Variants in MYH10 observed in about 807,000 individuals in gnomAD.
MYH10 encodes the protein myosin-10.
Under a neutral mutation model 257.8 loss-of-function variants are expected in MYH10, and 55 were observed. The observed-to-expected ratio is 0.21, with a 90% CI of 0.17 to 0.27. MYH10 has a LOEUF of 0.27. Ranked by LOEUF, MYH10 falls within the 10% of genes least tolerant of loss-of-function variation. The pLI is 1.00. For missense variants in MYH10, 1,631 were observed against 2,500.6 expected, an observed-to-expected ratio of 0.65 and a Z score of 7.42; for synonymous variants, 854 against 921.7, an observed-to-expected ratio of 0.93 and a Z score of 1.33.
intron 26 of MYH10, among the ~76,000 whole-genome samples, chr17:8,508,218 C>T (rs1479965743): frequency 6.6e-6 from 1 of 152,090 alleles, no homozygotes; most frequent in Non-Finnish European, 1.5e-5. Flanking sequence ...ATCCTTCTGC[C>T]TCAGCTTCCA....
intron 3 of MYH10, among the ~76,000 whole-genome samples, chr17:8,603,242 C>T (rs560393684): frequency 2.0e-5 from 3 of 152,338 alleles, no homozygotes; most frequent in Admixed American, 6.5e-5. Flanking sequence ...ATGCATCCCA[C>T]CTCTTCAAGT....
At chr17:8,480,619 A>G (rs1404646684) in intron 38 of MYH10, 94 bp from the exon 39 acceptor site, 13 of 1,525,040 alleles carry the variant, frequency 8.5e-6, no homozygotes, top group Non-Finnish European at 1.2e-5. Context: ...GTTGCTGGAA[A>G]CCTGAGCAGC....
chr17:8,580,785 G>A (rs1215848428), intron 4 of MYH10, among the ~76,000 whole-genome samples: 1 of 152,194 alleles, frequency 6.6e-6, no homozygotes, highest in Non-Finnish European at 1.5e-5. Flanking sequence ...CTGAGTGCTA[G>A]GGATAGTGTG....
In MYH10 at chr17:8,623,210, A is replaced by G. The variant is rs1806043261; in HGVS notation, c.37T>C (p.Tyr13His). The G allele has an allele frequency of 6.2e-7, 1 of 1,605,014 alleles. No homozygotes were observed. The highest frequency in any genetic ancestry group is 1.3e-5 in the African/African-American group (1 of 74,278). Residue 13 changes from tyrosine (Y) to histidine (H), a missense_variant, in exon 2 of 43, where the codon TAT (tyrosine) becomes CAT (histidine). Physicochemically the swap from Tyr to His is moderately conservative, Grantham distance 83. Transcript: ENST00000360416. ...ATGACAGCCCTGTCCACAAAGAGATACCTCTCTGGATCCTCGAGTCCAGTT... is the reference window on the plus strand; with the variant it reads ...ATGACAGCCCTGTCCACAAAGAGATGCCTCTCTGGATCCTCGAGTCCAGTT... The part of the protein sequence containing the change: ...QRTGLEDPER[Y>H]LFVDRAVIYN...
At chr17:8,533,361 G>A (rs1232044152) in intron 16 of MYH10, among the ~76,000 whole-genome samples, 1 of 152,008 alleles carries the variant, frequency 6.6e-6, no homozygotes, top group Non-Finnish European at 1.5e-5. Flanking sequence ...ACTCTTCTCT[G>A]CCCCAGCCCT....
At chr17:8,480,376 G>C (rs1198121310) in intron 39 of MYH10, 26 bp downstream of exon 39, 3 of 1,613,104 alleles carry the variant, frequency 1.9e-6, no homozygotes, top group African/African-American at 2.7e-5. Context: ...AGCCCTCCCT[G>C]GGTGACGGGC....
intron 24 of MYH10, among the ~76,000 whole-genome samples, 158 bp from the exon 25 acceptor site, chr17:8,510,107 C>T (rs932761914): frequency 6.6e-6 from 1 of 151,034 alleles, no homozygotes; most frequent in Admixed American, 6.6e-5. Context: ...GGTGCCACCT[C>T]GGCTCGCTGC....
chr17:8,536,864 T>C (rs1237071328), intron 14 of MYH10, among the ~76,000 whole-genome samples: 1 of 150,706 alleles, frequency 6.6e-6, no homozygotes, highest in South Asian at 2.1e-4. Context: ...CAGCCGGGGA[T>C]TGAAGGAACA....
chr17:8,491,222 A>T (rs9915867), intron 34 of MYH10, among the ~76,000 whole-genome samples: 184 of 152,268 alleles, frequency 1.2e-3, no homozygotes, highest in African/African-American at 4.4e-3. Context: ...AGGCGCGGGG[A>T]ATCCTAGGAC....
chr17:8,517,813 C>G (rs2081517475), intron 21 of MYH10, among the ~76,000 whole-genome samples: 1 of 152,208 alleles, frequency 6.6e-6, no homozygotes, highest in South Asian at 2.1e-4. Flanking sequence ...TCTCACCTTG[C>G]TCCCTCTCAC....
Position 8,480,522 on chromosome 17 carries a change from G to C in MYH10, c.5268C>G (p.Ser1756=), listed in dbSNP as rs140849976. ...GACGCCGCTTCTCATCCAGCAGCGC[G>C]GACCTGGCGGGGAGAGGAGGAGGGG... is the stretch of plus-strand genomic sequence containing the variant. ...DEITNSASGK[S]ALLDEKRRLE... Residue 1756 remains serine, a synonymous_variant, in exon 39 of 43, where the codon TCC becomes TCG. Transcript: ENST00000360416. 3.4e-5 allele frequency: 55 copies of C among 1,606,860 alleles called. No individual in the cohort carries two copies. Among genetic ancestry groups the C allele is most frequent in the Non-Finnish European group, 4.5e-5 (53 of 1,179,780 alleles).
intron 3 of MYH10, among the ~76,000 whole-genome samples, chr17:8,596,234 T>C (rs1161236060): frequency 6.6e-6 from 1 of 150,748 alleles, no homozygotes; most frequent in Non-Finnish European, 1.5e-5. Context: ...CTCACTGAAA[T>C]CTCCGCCTCC....
intron 21 of MYH10, among the ~76,000 whole-genome samples, chr17:8,518,278 C>T (rs1420833306): frequency 6.6e-6 from 1 of 151,982 alleles, no homozygotes; most frequent in African/African-American, 2.4e-5. Context: ...GGACTACAGG[C>T]GCATGCTACC....
At chr17:8,478,203 A>G in intron 41 of MYH10, 135 bp downstream of exon 41, 2 of 748,386 alleles carry the variant, frequency 2.7e-6, no homozygotes, top group Middle Eastern at 3.7e-4. Context: ...CCCACCAGGA[A>G]CATGGAACAG....
chr17:8,519,470 G>A (rs2081579512), intron 19 of MYH10, among the ~76,000 whole-genome samples: 2 of 151,884 alleles, frequency 1.3e-5, no homozygotes, highest in Non-Finnish European at 2.9e-5. Context: ...TTTAAAATCT[G>A]TGTACCTCAC....
chr17:8,606,925 T>C (rs984566890), intron 2 of MYH10, among the ~76,000 whole-genome samples: 1 of 152,210 alleles, frequency 6.6e-6, no homozygotes, highest in Non-Finnish European at 1.5e-5. Context: ...TGGCTGGCCC[T>C]TGGGGTTCCC....
chr17:8,597,350 A>T (rs994532885), intron 3 of MYH10, among the ~76,000 whole-genome samples: 22 of 150,624 alleles, frequency 1.5e-4, no homozygotes, highest in Admixed American at 1.2e-3. Flanking sequence ...GAAAGAGAAG[A>T]AAGAAAGAAA....
chr17:8,505,015 A>C, intron 27 of MYH10, 109 bp from the exon 28 acceptor site: 1 of 871,244 alleles, frequency 1.1e-6, no homozygotes, highest in Non-Finnish European at 1.9e-6. Flanking sequence ...CCAGCCCCAC[A>C]TCCCTCCTCC....
At chr17:8,553,301 A>G (rs901054582) in intron 8 of MYH10, among the ~76,000 whole-genome samples, 1 of 152,240 alleles carries the variant, frequency 6.6e-6, no homozygotes, top group Non-Finnish European at 1.5e-5. Flanking sequence ...TGTCCCTTGA[A>G]GGATAGAAAT....
Sources: allele counts gnomAD v4.1 joint callset (sites outside exome capture counted in the v4.1 genomes callset), GRCh38; gene constraint gnomAD v4.1.1; transcripts MANE v1.5; gene names NCBI Gene and HGNC (gene_info 2026-07-23, HGNC 2026-07-21).